GRM7: variants seen among roughly 807,000 people sequenced by gnomAD.
GRM7 encodes the protein metabotropic glutamate receptor 7.
A neutral mutation model predicts 84.5 loss-of-function variants in GRM7; 35 were observed. That is an observed-to-expected ratio of 0.41 (90% CI 0.32 to 0.55). The LOEUF (loss-of-function observed/expected upper bound fraction) is 0.55. Among genes scored for constraint, GRM7 ranks in the 20% least tolerant of loss-of-function variants. The pLI, the probability that GRM7 is intolerant of heterozygous loss-of-function variation, is 0.19. For missense variants in GRM7, 1,003 were observed against 1,194.6 expected, an observed-to-expected ratio of 0.84 and a Z score of 2.36; for synonymous variants, 487 against 455.1, an observed-to-expected ratio of 1.07 and a Z score of -0.89.
chr3:7,160,086 G>A (rs1465325101), intron 2 of GRM7, among the ~76,000 whole-genome samples: 1 of 152,086 alleles, frequency 6.6e-6, no homozygotes, highest in African/African-American at 2.4e-5. Flanking sequence ...TTTACATTTT[G>A]GGAGTCATTT....
chr3:7,356,553 T>G lies in GRM7; in HGVS notation c.1033+49901T>G, dbSNP rs556312459. 4.2e-4 allele frequency among the ~76,000 whole-genome samples: 64 copies of G among 152,174 alleles called. No homozygotes were observed. The South Asian group carries it at 0.012, about 28-fold the overall frequency. On this transcript the variant is annotated intron_variant, in intron 4 of 9. Coordinates refer to ENST00000357716, the MANE Select transcript of GRM7 (RefSeq NM_000844.4). Reference sequence around the variant, plus strand: ...CTGAGCTCAAAACCATCTTCCCACTTCAGCCTCCCAAAGTGCTAGGATTAC... The same window carrying G: ...CTGAGCTCAAAACCATCTTCCCACTGCAGCCTCCCAAAGTGCTAGGATTAC...
intron 2 of GRM7, among the ~76,000 whole-genome samples, chr3:7,217,895 T>C (rs1696668626): frequency 6.6e-6 from 1 of 151,926 alleles, no homozygotes; most frequent in South Asian, 2.1e-4. Flanking sequence ...TGTGATTTTC[T>C]TTTATTATTT....
intron 8 of GRM7, among the ~76,000 whole-genome samples, chr3:7,594,505 T>C (rs1384047727): frequency 6.6e-6 from 1 of 152,132 alleles, no homozygotes; most frequent in Non-Finnish European, 1.5e-5. Context: ...GTGATTGCCC[T>C]TTTACTTGGC....
At chr3:6,959,711 G>A (rs561076086) in intron 1 of GRM7, among the ~76,000 whole-genome samples, 7 of 152,246 alleles carry the variant, frequency 4.6e-5, no homozygotes, top group African/African-American at 1.2e-4. Context: ...ACATGTGATC[G>A]ATCACCAGAT....
At chr3:7,010,379 G>A (rs891546140) in intron 1 of GRM7, among the ~76,000 whole-genome samples, 12 of 152,286 alleles carry the variant, frequency 7.9e-5, no homozygotes, top group Admixed American at 1.3e-4. Flanking sequence ...GCTTGAACCC[G>A]GGAAGCAGAG....
chr3:6,888,172 T>G (rs1465497205), intron 1 of GRM7, among the ~76,000 whole-genome samples: 3 of 152,024 alleles, frequency 2.0e-5, no homozygotes, highest in East Asian at 3.9e-4. Flanking sequence ...TTTCTCCCAT[T>G]TTGTAGGTTG....
intron 7 of GRM7, among the ~76,000 whole-genome samples, chr3:7,533,226 A>G (rs1701113359): frequency 1.3e-5 from 2 of 152,184 alleles, no homozygotes; most frequent in Admixed American, 1.3e-4. Context: ...TTTATTCTAA[A>G]GCTGACCACA....
rs1478191233 is a variant in GRM7 at position 7,229,722 on chromosome 3, CACACATATATATATATATATATATAT to C, written c.737-68960_737-68935del. ...TCCCCAACCCCGCTCTCCATAGACA[CACACATATATATATATATATATATAT>C]ATATATATATATTTTTTTTTTTTTT... On this transcript the variant is annotated intron_variant, in intron 2 of 9. Transcript: ENST00000357716. 3.1e-4 allele frequency among the ~76,000 whole-genome samples: 8 copies of C among 25,798 alleles called. 1 individual carries two copies. Among genetic ancestry groups the C allele is most frequent in the Non-Finnish European group, 5.8e-4 (8 of 13,796 alleles). The allele number at this position is 25,798 out of a possible 152,430, so 16.9% of individuals were successfully genotyped here.
At chr3:7,680,445 G>T in intron 9 of GRM7, 150 bp downstream of exon 9, 1 of 706,496 alleles carries the variant, frequency 1.4e-6, no homozygotes. Context: ...CTGCTCTTTT[G>T]AGTTTGACTC....
At chr3:7,433,646 GTA>G (rs1316742791) in intron 5 of GRM7, among the ~76,000 whole-genome samples, 1 of 152,180 alleles carries the variant, frequency 6.6e-6, no homozygotes, top group African/African-American at 2.4e-5. Flanking sequence ...CATGATCCAA[GTA>G]TCTTTTCCAA....
At chr3:7,328,291 T>G (rs185942697) in intron 4 of GRM7, among the ~76,000 whole-genome samples, 1 of 152,328 alleles carries the variant, frequency 6.6e-6, no homozygotes, top group East Asian at 1.9e-4. Flanking sequence ...GATACCCTGA[T>G]AATGTAGTCT....
At chr3:6,878,359 G>A (rs1189647553) in intron 1 of GRM7, among the ~76,000 whole-genome samples, 1 of 146,460 alleles carries the variant, frequency 6.8e-6, no homozygotes, top group Non-Finnish European at 1.5e-5. Context: ...CTTTCAAAGG[G>A]TGATTTTTTA....
chr3:7,664,181 C>T (rs1217910537), intron 8 of GRM7, among the ~76,000 whole-genome samples: 1 of 152,166 alleles, frequency 6.6e-6, no homozygotes, highest in African/African-American at 2.4e-5. Context: ...AGTCCTCTTT[C>T]CTATGGAGTT....
At chr3:7,530,936 A>G (rs898064549) in intron 7 of GRM7, among the ~76,000 whole-genome samples, 3 of 152,034 alleles carry the variant, frequency 2.0e-5, no homozygotes, top group Non-Finnish European at 4.4e-5. Context: ...GCTGTGTAGA[A>G]GCCCTTTAGT....
intron 8 of GRM7, among the ~76,000 whole-genome samples, chr3:7,593,661 C>G (rs1048635344): frequency 6.6e-6 from 1 of 151,750 alleles, no homozygotes; most frequent in Admixed American, 6.6e-5. Context: ...GTGTGAGTGG[C>G]GTGAGAAACA....
rs369428358 is a variant in GRM7 at position 7,432,274 on chromosome 3, G to C, written c.1174+17111G>C. 9.1e-4 allele frequency among the ~76,000 whole-genome samples: 138 copies of C among 152,326 alleles called. 5 individuals carry two copies. In the South Asian group the frequency reaches 0.026, roughly 29 times the overall value. On this transcript the variant is annotated intron_variant, in intron 5 of 9. Coordinates refer to ENST00000357716, the MANE Select transcript of GRM7 (RefSeq NM_000844.4). Reference sequence around the variant, plus strand: ...AAGAAAACACTAGGAGTGAACGCCAGTGTAAACAAACATAATATATGTAAG... The same window carrying C: ...AAGAAAACACTAGGAGTGAACGCCACTGTAAACAAACATAATATATGTAAG...
chr3:7,674,513 C>A (rs1700053152), intron 8 of GRM7, among the ~76,000 whole-genome samples: 1 of 152,092 alleles, frequency 6.6e-6, no homozygotes, highest in African/African-American at 2.4e-5. Flanking sequence ...TTTTAATTGA[C>A]AAATACAAAT....
chr3:7,424,668 A>G (rs1206666663), intron 5 of GRM7, among the ~76,000 whole-genome samples: 5 of 152,200 alleles, frequency 3.3e-5, no homozygotes, highest in Non-Finnish European at 7.3e-5. Context: ...TTAATTACTC[A>G]ACAAGTGAAT....
In GRM7 at chr3:6,862,374, A is replaced by G. The variant is rs950843767; in HGVS notation, c.519+467A>G. 2.0e-5 allele frequency among the ~76,000 whole-genome samples: 3 copies of G among 151,874 alleles called. No homozygotes were observed. Among genetic ancestry groups the G allele is most frequent in the Non-Finnish European group, 4.4e-5 (3 of 67,982 alleles). ...CTGCCAACCTGCACTCCCTTGAAAA[A>G]TTTGGAGACAGCCTTAAGGAGGCAC... On this transcript the variant is annotated intron_variant, in intron 1 of 9. Transcript: ENST00000357716. This position sits in a 1 kb window ranked among gnomAD's most constrained non-coding sequence, Gnocchi z 5.2.
Sources: gnomAD v4.1 joint callset for allele counts (sites outside exome capture counted in the v4.1 genomes callset) on GRCh38, gnomAD v4.1.1 for gene constraint, Gnocchi (gnomAD v3.1) non-coding constraint, MANE v1.5 for transcripts, NCBI Gene and HGNC (gene_info 2026-07-23, HGNC 2026-07-21) for gene names.